DGKB: variants seen among roughly 807,000 people sequenced by gnomAD.
The protein encoded by DGKB is 90 kDa diacylglycerol kinase.
A neutral mutation model predicts 114.3 loss-of-function variants in DGKB; 67 were observed. The ratio of observed to expected loss-of-function variants is 0.59; its 90% CI spans 0.48 to 0.72. The LOEUF (loss-of-function observed/expected upper bound fraction) is 0.72. Among genes scored for constraint, DGKB ranks in the 30% least tolerant of loss-of-function variants. The pLI, the probability that DGKB is intolerant of heterozygous loss-of-function variation, is 0.00. For missense variants in DGKB, 907 were observed against 975.2 expected, an observed-to-expected ratio of 0.93 and a Z score of 0.93; for synonymous variants, 398 against 323.1, an observed-to-expected ratio of 1.23 and a Z score of -2.49.
At chr7:14,881,873 C>A (rs1292438049) in intron 1 of DGKB, among the ~76,000 whole-genome samples, 1 of 151,946 alleles carries the variant, frequency 6.6e-6, no homozygotes, top group African/African-American at 2.4e-5. Flanking sequence ...CCTTGTACAC[C>A]ATTAACCACT....
intron 23 of DGKB, among the ~76,000 whole-genome samples, chr7:14,319,523 T>C (rs1807324093): frequency 6.6e-6 from 1 of 152,216 alleles, no homozygotes; most frequent in Non-Finnish European, 1.5e-5. Context: ...CTTAATGTTT[T>C]ATATGGTAAC....
intron 23 of DGKB, among the ~76,000 whole-genome samples, chr7:14,322,293 A>T (rs1807966672): frequency 6.6e-6 from 1 of 152,200 alleles, no homozygotes; most frequent in Non-Finnish European, 1.5e-5. Context: ...CTACAGAAAA[A>T]GCCTTCTGAC....
chr7:14,906,059 A>G (rs1353424562), upstream of DGKB, among the ~76,000 whole-genome samples: 1 of 152,082 alleles, frequency 6.6e-6, no homozygotes, highest in Non-Finnish European at 1.5e-5. Flanking sequence ...TGAATTTTCT[A>G]CTATACAAAC....
At chr7:14,404,413 T>C (rs1823615236) in intron 21 of DGKB, among the ~76,000 whole-genome samples, 1 of 151,836 alleles carries the variant, frequency 6.6e-6, no homozygotes, top group Admixed American at 6.6e-5. Context: ...GAAGAACAAA[T>C]CTACAAGTGG....
At chr7:14,476,338 T>G (rs1782168545) in intron 21 of DGKB, among the ~76,000 whole-genome samples, 1 of 152,144 alleles carries the variant, frequency 6.6e-6, no homozygotes, top group African/African-American at 2.4e-5. Flanking sequence ...TCAATTTATT[T>G]TTACATGTGT....
chr7:14,489,808 T>C (rs1264294061), intron 20 of DGKB, among the ~76,000 whole-genome samples: 1 of 151,446 alleles, frequency 6.6e-6, no homozygotes. Flanking sequence ...GGAAATGAGA[T>C]AGAAGAAAAA....
chr7:14,918,723 A>G (rs1341774305), intron 1 of DGKB, among the ~76,000 whole-genome samples: 1 of 152,118 alleles, frequency 6.6e-6, no homozygotes, highest in Admixed American at 6.5e-5. Context: ...ATGCAATCCC[A>G]ATCAAAATTT....
intron 23 of DGKB, among the ~76,000 whole-genome samples, chr7:14,271,691 A>G (rs1443015906): frequency 6.6e-6 from 1 of 152,236 alleles, no homozygotes; most frequent in African/African-American, 2.4e-5. Context: ...AGAGAGCACT[A>G]CAAAAAAGGT....
intron 23 of DGKB, among the ~76,000 whole-genome samples, chr7:14,193,037 G>A (rs1176078121): frequency 1.3e-5 from 2 of 151,896 alleles, no homozygotes; most frequent in Admixed American, 1.3e-4. Flanking sequence ...CGAGTGATGG[G>A]GAGCAGCTAT....
At chr7:14,652,601 C>A (rs13223495) in intron 13 of DGKB, among the ~76,000 whole-genome samples, 82,673 of 148,454 alleles carry the variant, frequency 0.56, 24,035 homozygotes, top group Admixed American at 0.68. Context: ...CAAGGACTTC[C>A]TGTCTAAAAC....
chr7:14,482,087 T>C (rs147108164), intron 20 of DGKB, among the ~76,000 whole-genome samples: 4 of 152,124 alleles, frequency 2.6e-5, no homozygotes, highest in Non-Finnish European at 5.9e-5. Context: ...AATATTTTAC[T>C]TTGAAAAGTT....
chr7:14,789,014 G>T (rs1159597895), intron 2 of DGKB, among the ~76,000 whole-genome samples: 1 of 151,976 alleles, frequency 6.6e-6, no homozygotes, highest in Non-Finnish European at 1.5e-5. Context: ...CAGAAACACA[G>T]AAAAATTCAG....
chr7:14,213,107 T>C (rs576172963), intron 23 of DGKB, among the ~76,000 whole-genome samples: 17 of 152,046 alleles, frequency 1.1e-4, no homozygotes, highest in African/African-American at 3.9e-4. Context: ...ATATCAATTT[T>C]TATAAAAAAA....
chr7:14,584,088 C>T (rs980635516), intron 17 of DGKB, among the ~76,000 whole-genome samples: 1 of 152,226 alleles, frequency 6.6e-6, no homozygotes, highest in East Asian at 1.9e-4. Context: ...TGTTCATTAA[C>T]TTGTGTGGTT....
At chr7:14,349,393 C>T (rs751416988) in intron 21 of DGKB, among the ~76,000 whole-genome samples, 64 of 152,134 alleles carry the variant, frequency 4.2e-4, no homozygotes, top group Non-Finnish European at 7.4e-4. Flanking sequence ...AATATATATA[C>T]GAGGTTTTGG....
chr7:14,273,445 A>G (rs1798552083), intron 23 of DGKB, among the ~76,000 whole-genome samples: 1 of 152,226 alleles, frequency 6.6e-6, no homozygotes, highest in Non-Finnish European at 1.5e-5. Context: ...ATGTAACAGT[A>G]AAGATATGAA....
At chr7:14,884,141 T>C (rs1172740265) in intron 1 of DGKB, among the ~76,000 whole-genome samples, 1 of 152,018 alleles carries the variant, frequency 6.6e-6, no homozygotes, top group Non-Finnish European at 1.5e-5. Flanking sequence ...TCTCTGTTGT[T>C]GCAGTGCAAA....
intron 21 of DGKB, among the ~76,000 whole-genome samples, chr7:14,386,555 A>G (rs1178157124): frequency 6.6e-6 from 1 of 152,216 alleles, no homozygotes; most frequent in African/African-American, 2.4e-5. Context: ...ACCATGTGCC[A>G]GTTGCTGAAA....
chr7:14,768,925 T>C (rs1030718408), intron 2 of DGKB, among the ~76,000 whole-genome samples: 1 of 151,910 alleles, frequency 6.6e-6, no homozygotes, highest in Non-Finnish European at 1.5e-5. Flanking sequence ...TAATTTGCTA[T>C]CAAATTAAAA....
Sources: allele counts gnomAD v4.1 joint callset (sites outside exome capture counted in the v4.1 genomes callset), GRCh38; gene constraint gnomAD v4.1.1; transcripts MANE v1.5; gene names NCBI Gene and HGNC (gene_info 2026-07-23, HGNC 2026-07-21).